KYNU: variants seen among roughly 807,000 people sequenced by gnomAD.
KYNU encodes kynureninase, also known as L-kynurenine hydrolase.
In KYNU, 54 loss-of-function variants were observed where a neutral mutation model predicts 59.2. That is an observed-to-expected ratio of 0.91 (90% CI 0.73 to 1.14). The LOEUF is 1.14. Among genes scored for constraint, KYNU ranks in the 50% most tolerant of loss-of-function variants. The pLI, the probability that KYNU is intolerant of heterozygous loss-of-function variation, is 0.00. For missense variants in KYNU, 567 were observed against 554.4 expected (o/e 1.02, Z -0.23); for synonymous variants, 177 against 192.0 (o/e 0.92, Z 0.65).
intron 2 of KYNU, among the ~76,000 whole-genome samples, chr2:142,913,346 T>C (rs1465074046): frequency 6.6e-6 from 1 of 152,242 alleles, no homozygotes; most frequent in African/African-American, 2.4e-5. Flanking sequence ...GTTTTCCTCA[T>C]AATACTGTGT....
intron 2 of KYNU, among the ~76,000 whole-genome samples, chr2:142,901,164 AAGCGTG>A (rs1453787587): frequency 1.3e-5 from 2 of 152,156 alleles, no homozygotes; most frequent in East Asian, 3.8e-4. Flanking sequence ...AGTTTTGAAA[AAGCGTG>A]GTCCAGTAAA....
chr2:142,929,537 G>A lies in KYNU; in HGVS notation c.373+1796G>A, dbSNP rs372430788. 3.3e-5 allele frequency among the ~76,000 whole-genome samples: 5 copies of A among 152,158 alleles called. No homozygotes were observed. The East Asian group carries it at 7.7e-4, about 23-fold the overall frequency. On this transcript the variant is annotated intron_variant, in intron 4 of 13. Coordinates refer to ENST00000264170, the MANE Select transcript of KYNU (RefSeq NM_003937.3). ...TTCTGAGCCAAATATGAGTGGTCAT[G>A]ACCCAAGGCACAGTCTCAAGAGGTC...
chr2:142,929,025 AC>A lies in KYNU; in HGVS notation c.373+1285del, dbSNP rs869079676. Among the ~76,000 whole-genome samples the A allele has an allele frequency of 6.2e-4, 90 of 145,254 alleles. 15 individuals carry two copies. The highest frequency in any genetic ancestry group is 1.2e-3 in the African/African-American group (45 of 37,108). On this transcript the variant is annotated intron_variant, in intron 4 of 13. Coordinates refer to ENST00000264170, the MANE Select transcript of KYNU (RefSeq NM_003937.3). ...CCTGTCTCAAAAAAAAAAAAAAAAA[AC>A]AAAAAACGAACAACACTCACCTTCC...
intron 2 of KYNU, among the ~76,000 whole-genome samples, chr2:142,905,888 C>A (rs1225322024): frequency 6.6e-6 from 1 of 152,140 alleles, no homozygotes; most frequent in East Asian, 1.9e-4. Context: ...ACAGAGAAGA[C>A]CTTCGATTAT....
chr2:143,032,135 G>A (rs1005199212), intron 11 of KYNU, among the ~76,000 whole-genome samples: 3 of 152,112 alleles, frequency 2.0e-5, no homozygotes, highest in South Asian at 2.1e-4. Context: ...AAAATTAGCT[G>A]GGCGTGGTGA....
chr2:142,926,358 TATGAA>T (rs1372653424), intron 3 of KYNU, among the ~76,000 whole-genome samples: 2 of 152,242 alleles, frequency 1.3e-5, no homozygotes, highest in Non-Finnish European at 1.5e-5. Context: ...CAATATTTAT[TATGAA>T]ATAAGTTTTA....
chr2:142,945,769 T>C lies in KYNU; in HGVS notation c.374-9041T>C, dbSNP rs114580210. ...AATTTTTTTTTTTTTGGAAAAGCAG[T>C]CTCTATCGCTCAGGCTGGAGTGCCG... On this transcript the variant is annotated intron_variant, in intron 4 of 13. Coordinates refer to ENST00000264170, the MANE Select transcript of KYNU (RefSeq NM_003937.3). Among the ~76,000 whole-genome samples, 1,132 of 150,478 alleles carry C rather than the reference T, an allele frequency of 7.5e-3. 7 individuals are homozygous for C. Among genetic ancestry groups the C allele is most frequent in the African/African-American group, 0.027 (1,085 of 40,814 alleles).
chr2:142,935,163 G>A (rs1255724351), intron 4 of KYNU, among the ~76,000 whole-genome samples: 1 of 152,190 alleles, frequency 6.6e-6, no homozygotes, highest in South Asian at 2.1e-4. Flanking sequence ...TGGACTGGGA[G>A]GTGAACCAAA....
chr2:142,888,106 TTAAAGA>T (rs1681578215), intron 2 of KYNU, among the ~76,000 whole-genome samples: 1 of 152,194 alleles, frequency 6.6e-6, no homozygotes, highest in Non-Finnish European at 1.5e-5. Flanking sequence ...TTGCTGATTC[TTAAAGA>T]TAAGAGATAG....
chr2:142,918,515 A>G, intron 2 of KYNU, 94 bp from the exon 3 acceptor site: 1 of 1,295,194 alleles, frequency 7.7e-7, no homozygotes, highest in Non-Finnish European at 1.1e-6. Context: ...TCCTTCTTAG[A>G]GTTGATTGTA....
intron 2 of KYNU, among the ~76,000 whole-genome samples, chr2:142,908,948 T>C (rs949098266): frequency 1.3e-5 from 2 of 152,222 alleles, no homozygotes; most frequent in African/African-American, 4.8e-5. Context: ...TGATCTATTT[T>C]CTAATTATAT....
chr2:142,907,224 T>A (rs1682329159), intron 2 of KYNU, among the ~76,000 whole-genome samples: 2 of 152,206 alleles, frequency 1.3e-5, no homozygotes, highest in South Asian at 4.1e-4. Context: ...CCTTTTGTTC[T>A]CTGACCTGGG....
intron 8 of KYNU, among the ~76,000 whole-genome samples, chr2:142,979,399 CTG>C (rs1553484865): frequency 6.6e-6 from 1 of 151,944 alleles, no homozygotes; most frequent in Non-Finnish European, 1.5e-5. Context: ...TGGGTTCATA[CTG>C]TGTGAGAGAA....
intron 8 of KYNU, among the ~76,000 whole-genome samples, chr2:142,976,195 C>T (rs1013775139): frequency 3.3e-5 from 5 of 152,152 alleles, no homozygotes; most frequent in African/African-American, 9.7e-5. Context: ...ACATGCTGAC[C>T]GAAGCCATGC....
chr2:142,992,620 G>A (rs1685432025), intron 10 of KYNU, among the ~76,000 whole-genome samples: 1 of 151,590 alleles, frequency 6.6e-6, no homozygotes, highest in Admixed American at 6.6e-5. Flanking sequence ...GTCTGTATAT[G>A]TGTGTGTATA....
intron 8 of KYNU, among the ~76,000 whole-genome samples, chr2:142,961,589 C>T (rs912462697): frequency 3.3e-5 from 5 of 152,040 alleles, no homozygotes; most frequent in Non-Finnish European, 5.9e-5. Flanking sequence ...ATACAAGTTA[C>T]TTTAAGGAGG....
chr2:142,921,301 C>T (rs1682875264), intron 3 of KYNU, among the ~76,000 whole-genome samples: 1 of 152,176 alleles, frequency 6.6e-6, no homozygotes, highest in Admixed American at 6.5e-5. Flanking sequence ...ATTTGTACCT[C>T]CAGGTGCTAA....
intron 2 of KYNU, among the ~76,000 whole-genome samples, chr2:142,912,942 G>C (rs1288270770): frequency 1.6e-4 from 24 of 149,358 alleles, no homozygotes. Flanking sequence ...TCCATCTCCT[G>C]ACCTCGTGAT....
At chr2:143,021,859 T>G (rs1686418439) in intron 10 of KYNU, among the ~76,000 whole-genome samples, 1 of 152,202 alleles carries the variant, frequency 6.6e-6, no homozygotes, top group Admixed American at 6.5e-5. Context: ...TGCATCAATT[T>G]AAGGATAATT....
Sources: gnomAD v4.1 joint callset for allele counts (sites outside exome capture counted in the v4.1 genomes callset) on GRCh38, gnomAD v4.1.1 for gene constraint, MANE v1.5 for transcripts, NCBI Gene and HGNC (gene_info 2026-07-23, HGNC 2026-07-21) for gene names.